The following TENM3 variants were observed in gnomAD, a reference collection of about 807,000 sequenced individuals.
TENM3 encodes teneurin-3.
A neutral mutation model predicts 255.1 loss-of-function variants in TENM3; 63 were observed. That is an observed-to-expected ratio of 0.25 (90% CI 0.20 to 0.30). TENM3 has a LOEUF of 0.30. Among genes scored for constraint, TENM3 ranks in the 10% least tolerant of loss-of-function variants. The probability of loss-of-function intolerance (pLI) is 1.00; values close to 1 mark genes in which losing one functional copy is unlikely to be tolerated. For synonymous variants in TENM3, 1,306 were observed against 1,322.3 expected (o/e 0.99, Z 0.27); for missense variants, 2,929 against 3,461.1 (o/e 0.85, Z 3.86).
intron 1 of TENM3, among the ~76,000 whole-genome samples, chr4:182,287,920 T>TTTTG (rs1358660003): frequency 1.3e-5 from 2 of 150,674 alleles, no homozygotes; most frequent in Admixed American, 6.6e-5. Flanking sequence ...CCTGGCATAT[T>TTTTG]TTTGTTTGTT....
At chr4:182,114,686 A>T in the TENM3 span, among the ~76,000 whole-genome samples, 1 of 152,194 alleles carries the variant, frequency 6.6e-6, no homozygotes, top group Non-Finnish European at 1.5e-5. Flanking sequence ...GTTGAGTTAG[A>T]GCCAGGTGGG....
chr4:182,615,717 G>T (rs1300815655), intron 4 of TENM3, among the ~76,000 whole-genome samples: 1 of 150,866 alleles, frequency 6.6e-6, no homozygotes, highest in Non-Finnish European at 1.5e-5. Context: ...AAAAAAGGGG[G>T]ATGTTGAAAA....
the TENM3 span, among the ~76,000 whole-genome samples, chr4:181,659,889 G>A: frequency 1.3e-5 from 2 of 152,078 alleles, no homozygotes; most frequent in Non-Finnish European, 2.9e-5. Context: ...TCTACAGAAA[G>A]ACGCTTTGAA....
intron 4 of TENM3, among the ~76,000 whole-genome samples, chr4:182,614,319 TAGAA>T (rs1453755851): frequency 1.3e-5 from 2 of 152,188 alleles, no homozygotes; most frequent in African/African-American, 4.8e-5. Context: ...ACCTTTATAT[TAGAA>T]AGAATCAATC....
At chr4:181,995,366 C>T in the TENM3 span, among the ~76,000 whole-genome samples, 1 of 151,874 alleles carries the variant, frequency 6.6e-6, no homozygotes, top group Non-Finnish European at 1.5e-5. Flanking sequence ...GTACAGTGAA[C>T]ATACACTCTA....
At chr4:182,099,268 G>A in the TENM3 span, among the ~76,000 whole-genome samples, 2 of 152,000 alleles carry the variant, frequency 1.3e-5, no homozygotes, top group South Asian at 4.2e-4. Context: ...CCGGCCATAT[G>A]TGCACAATTT....
At chr4:181,941,333 T>A in the TENM3 span, among the ~76,000 whole-genome samples, 3 of 152,098 alleles carry the variant, frequency 2.0e-5, no homozygotes, top group African/African-American at 7.2e-5. Flanking sequence ...TATAGCTATT[T>A]GGCTCTATTT....
At chr4:181,533,589 C>A in the TENM3 span, among the ~76,000 whole-genome samples, 1 of 152,162 alleles carries the variant, frequency 6.6e-6, no homozygotes, top group Non-Finnish European at 1.5e-5. Context: ...ACTGGGGTCT[C>A]CTTCCCTCTC....
At chr4:181,789,262 T>TTTTA in the TENM3 span, among the ~76,000 whole-genome samples, 2 of 141,746 alleles carry the variant, frequency 1.4e-5, no homozygotes, top group African/African-American at 2.6e-5. Context: ...ATTTTATTTA[T>TTTTA]TTTATTTTTT....
At chr4:182,486,365 A>C (rs1379237796) in intron 3 of TENM3, among the ~76,000 whole-genome samples, 2 of 151,882 alleles carry the variant, frequency 1.3e-5, no homozygotes, top group East Asian at 3.9e-4. Context: ...ATGAGCTACT[A>C]TAATAAATAA....
the TENM3 span, among the ~76,000 whole-genome samples, chr4:181,583,604 G>T: frequency 1.3e-5 from 2 of 152,128 alleles, no homozygotes; most frequent in Non-Finnish European, 2.9e-5. Context: ...ACTTCATATA[G>T]ATTATTTAAC....
chr4:182,411,712 T>G (rs976276938), intron 3 of TENM3, among the ~76,000 whole-genome samples: 2 of 152,176 alleles, frequency 1.3e-5, no homozygotes, highest in Non-Finnish European at 2.9e-5. Flanking sequence ...AGGAGATATT[T>G]TCCGTACTAT....
the TENM3 span, among the ~76,000 whole-genome samples, chr4:181,766,583 A>T: frequency 3.3e-5 from 5 of 152,100 alleles, no homozygotes; most frequent in African/African-American, 9.7e-5. Context: ...AGAGAAAAGG[A>T]GTTAAATGGA....
intron 3 of TENM3, among the ~76,000 whole-genome samples, chr4:182,419,809 G>A (rs561140248): frequency 4.1e-4 from 60 of 144,580 alleles, no homozygotes; most frequent in African/African-American, 1.3e-3. Flanking sequence ...TCATAGGTGG[G>A]AACTGAACAA....
chr4:182,046,277 A>C, the TENM3 span, among the ~76,000 whole-genome samples: 3 of 152,100 alleles, frequency 2.0e-5, no homozygotes, highest in African/African-American at 7.2e-5. Context: ...AATTCTTACA[A>C]ATTGGAAATA....
chr4:181,556,457 G>A, the TENM3 span, among the ~76,000 whole-genome samples: 3 of 151,782 alleles, frequency 2.0e-5, no homozygotes, highest in African/African-American at 7.3e-5. Context: ...AATTAACATT[G>A]ATATACACAT....
chr4:182,177,321 T>C (rs1752559067), intron 1 of TENM3, among the ~76,000 whole-genome samples: 1 of 152,168 alleles, frequency 6.6e-6, no homozygotes, highest in Non-Finnish European at 1.5e-5. Flanking sequence ...ACTTTCACTT[T>C]CTCAATCTAA....
intron 3 of TENM3, among the ~76,000 whole-genome samples, chr4:182,461,018 T>A (rs1189233293): frequency 6.6e-6 from 1 of 152,162 alleles, no homozygotes; most frequent in Non-Finnish European, 1.5e-5. Context: ...TAATTTTGAG[T>A]CCATTTAGAC....
At chr4:181,546,151 G>A in the TENM3 span, among the ~76,000 whole-genome samples, 15,853 of 152,152 alleles carry the variant, frequency 0.1, 1,020 homozygotes, top group South Asian at 0.18. Flanking sequence ...GATAGTGTGC[G>A]TGTGAGTGGC....
Sources: gnomAD v4.1 joint callset for allele counts (sites outside exome capture counted in the v4.1 genomes callset) on GRCh38, gnomAD v4.1.1 for gene constraint, MANE v1.5 for transcripts, NCBI Gene and HGNC (gene_info 2026-07-23, HGNC 2026-07-21) for gene names.